The following CHMP3 variants were observed in gnomAD, a reference collection of about 807,000 sequenced individuals.
CHMP3 encodes charged multivesicular body protein 3.
Under a neutral mutation model 27.4 loss-of-function variants are expected in CHMP3, and 8 were observed. The ratio of observed to expected loss-of-function variants is 0.29; its 90% confidence interval spans 0.17 to 0.53. The LOEUF (loss-of-function observed/expected upper bound fraction) is 0.53, where lower values mean the gene tolerates loss of function less well. CHMP3 is among the 20% of genes least tolerant of loss of function. The probability of loss-of-function intolerance (pLI) is 0.96; values close to 1 mark genes in which losing one functional copy is unlikely to be tolerated. For missense variants in CHMP3, 208 were observed against 271.5 expected (o/e 0.77, Z 1.64); for synonymous variants, 86 against 85.5 (o/e 1.01, Z -0.03).
intron 1 of CHMP3, chr2:86,562,276 A>AT (rs887595121): frequency 1.8e-4 from 27 of 150,764 alleles, no homozygotes; most frequent in African/African-American, 2.4e-4. Context: ...GGATTTCAGG[A>AT]TTTTTTTTTT....
Position 86,504,078 on chromosome 2 carries a change from A to C in CHMP3, c.*1726T>G, listed in dbSNP as rs912209749. ...ACCCCCTGAACCTAATTTTTTTTTTAAAGTGGTTGCCAGGGGATTAGGGAA... is the reference window on the plus strand; with the variant it reads ...ACCCCCTGAACCTAATTTTTTTTTTCAAGTGGTTGCCAGGGGATTAGGGAA... On this transcript the variant is annotated 3_prime_UTR_variant, in exon 6 of 6. Coordinates refer to ENST00000263856, the MANE Select transcript of CHMP3 (RefSeq NM_016079.4). The C allele has an allele frequency of 6.6e-6, 1 of 151,960 alleles. No homozygotes were observed. The highest frequency in any genetic ancestry group is 2.4e-5 in the African/African-American group (1 of 41,396). The allele number at this position is 151,960 out of a possible 1,614,324, so 9.4% of individuals were successfully genotyped here.
chr2:86,535,578 C>A (rs1258620852), intron 2 of CHMP3, among the ~76,000 whole-genome samples: 1 of 152,124 alleles, frequency 6.6e-6, no homozygotes, highest in Non-Finnish European at 1.5e-5. Context: ...ATGATCTCAG[C>A]TCACTGCAAC....
At chr2:86,527,661 C>T (rs968081393) in intron 3 of CHMP3, among the ~76,000 whole-genome samples, 1 of 152,068 alleles carries the variant, frequency 6.6e-6, no homozygotes, top group Non-Finnish European at 1.5e-5. Context: ...AATAACATGG[C>T]ATTTAAAAGT....
At chr2:86,543,372 A>C (rs1048069739) in intron 1 of CHMP3, among the ~76,000 whole-genome samples, 2 of 152,260 alleles carry the variant, frequency 1.3e-5, no homozygotes, top group African/African-American at 4.8e-5. Flanking sequence ...TGTATTAAAA[A>C]ATCTGACATA....
In CHMP3 at chr2:86,535,854, ACT is replaced by A. The variant is rs555921605; in HGVS notation, c.106+6396_106+6397del. On this transcript the variant is annotated intron_variant, in intron 2 of 5. Transcript: ENST00000263856. ...AGTAAGAAAACTATGCTCTCATAAA[ACT>A]CTGTCTCTACCCCAGTTCAGTTACT... is the stretch of plus-strand genomic sequence containing the variant. Among the ~76,000 whole-genome samples, 418 of 151,912 alleles carry A rather than the reference ACT, an allele frequency of 2.8e-3. 2 individuals are homozygous for A. Among genetic ancestry groups the A allele is most frequent in the Non-Finnish European group, 4.4e-3 (298 of 67,966 alleles).
chr2:86,561,319 C>T (rs1192127530), intron 1 of CHMP3, among the ~76,000 whole-genome samples: 1 of 152,150 alleles, frequency 6.6e-6, no homozygotes, highest in African/African-American at 2.4e-5. Flanking sequence ...CAGTTCCTAC[C>T]TCATAACATT....
intron 1 of CHMP3, chr2:86,562,946 C>A (rs981009723): frequency 4.8e-6 from 1 of 207,508 alleles, no homozygotes; most frequent in African/African-American, 2.3e-5. Flanking sequence ...CGCAGCCGGG[C>A]TGGAGGGGTG....
At chr2:86,513,978 T>C (rs1409125067) in intron 3 of CHMP3, among the ~76,000 whole-genome samples, 1 of 152,258 alleles carries the variant, frequency 6.6e-6, no homozygotes, top group Non-Finnish European at 1.5e-5. Context: ...TTCGTGAAGA[T>C]TGAATGAGAT....
At chr2:86,563,223 A>G (rs1573319477) in intron 1 of CHMP3, 81 bp downstream of exon 1, 1 of 1,527,350 alleles carries the variant, frequency 6.5e-7, no homozygotes, top group Non-Finnish European at 9.0e-7. Context: ...GGCGGTGGGG[A>G]GAAGAGTGTC....
chr2:86,528,839 A>C (rs1378636678), intron 3 of CHMP3, among the ~76,000 whole-genome samples: 1 of 152,158 alleles, frequency 6.6e-6, no homozygotes, highest in Non-Finnish European at 1.5e-5. Context: ...CCAAAGCCCC[A>C]CAGCCTGTTG....
chr2:86,558,385 T>C (rs1014270877), intron 1 of CHMP3, among the ~76,000 whole-genome samples: 23 of 152,368 alleles, frequency 1.5e-4, no homozygotes, highest in African/African-American at 5.3e-4. Context: ...CCTAACATAG[T>C]TAATGTTTCC....
chr2:86,546,356 C>A (rs1239864827), intron 1 of CHMP3, among the ~76,000 whole-genome samples: 1 of 130,514 alleles, frequency 7.7e-6, no homozygotes, highest in Non-Finnish European at 1.7e-5. Context: ...CAGAGGGAGA[C>A]CCGAAGGGAG....
chr2:86,562,920 G>A (rs186220343), intron 1 of CHMP3: 6 of 181,026 alleles, frequency 3.3e-5, no homozygotes, highest in Admixed American at 6.2e-5. Flanking sequence ...GGCAGGAGAA[G>A]GTTCTCCGGG....
intron 1 of CHMP3, among the ~76,000 whole-genome samples, chr2:86,545,796 C>T (rs1362772474): frequency 5.4e-5 from 8 of 147,340 alleles, no homozygotes; most frequent in Non-Finnish European, 1.5e-5. Flanking sequence ...GCGCTCCTCA[C>T]CTCCCAGATG....
rs1000597496 is a variant in CHMP3, at chr2:86,537,883, C to G, written c.106+4369G>C. Among the ~76,000 whole-genome samples the G allele has an allele frequency of 2.0e-5, 3 of 152,232 alleles. No individual in the cohort carries two copies. The South Asian group carries it at 6.2e-4, about 32-fold the overall frequency. On this transcript the variant is annotated intron_variant, in intron 2 of 5. Coordinates refer to ENST00000263856, the MANE Select transcript of CHMP3 (RefSeq NM_016079.4). ...ATGGTTCCCCCCAAAATTAAAGATA[C>G]AATTATTTGATCCAGTAATGCTACT...
At chr2:86,555,144 G>A (rs571552771) in intron 1 of CHMP3, among the ~76,000 whole-genome samples, 9 of 152,112 alleles carry the variant, frequency 5.9e-5, no homozygotes, top group Admixed American at 3.9e-4. Flanking sequence ...CACCGCTCCC[G>A]GCCTTAGAAC....
chr2:86,534,877 T>C (rs185372038), intron 2 of CHMP3, among the ~76,000 whole-genome samples: 1 of 152,330 alleles, frequency 6.6e-6, no homozygotes, highest in Admixed American at 6.5e-5. Flanking sequence ...TTGTAGACAG[T>C]ATATATGTTT....
intron 3 of CHMP3, among the ~76,000 whole-genome samples, chr2:86,522,978 C>T (rs977029510): frequency 6.6e-6 from 1 of 152,222 alleles, no homozygotes; most frequent in African/African-American, 2.4e-5. Flanking sequence ...AATCCCTCTA[C>T]ACTCAGACGC....
chr2:86,562,933 G>C (rs1478445165), intron 1 of CHMP3: 8 of 192,504 alleles, frequency 4.2e-5, no homozygotes, highest in African/African-American at 9.3e-5. Context: ...TCTCCGGGTG[G>C]TCCGCAGCCG....
Sources: allele counts gnomAD v4.1 joint callset (sites outside exome capture counted in the v4.1 genomes callset), GRCh38; gene constraint gnomAD v4.1.1; transcripts MANE v1.5; gene names NCBI Gene and HGNC (gene_info 2026-07-23, HGNC 2026-07-21).